MCTP2: variants seen among roughly 807,000 people sequenced by gnomAD.
The protein encoded by MCTP2 is multiple C2 and transmembrane domain-containing protein 2.
Under a neutral mutation model 111.6 loss-of-function variants are expected in MCTP2, and 132 were observed. The observed-to-expected ratio is 1.18, with a 90% CI of 1.03 to 1.37. The LOEUF is 1.37. Ranked by LOEUF, MCTP2 falls within the 40% of genes most tolerant of loss-of-function variation. The pLI is 0.00. For synonymous variants in MCTP2, 395 were observed against 387.7 expected, an observed-to-expected ratio of 1.02 and a Z score of -0.22; for missense variants, 1,183 against 1,067.9, an observed-to-expected ratio of 1.11 and a Z score of -1.50.
At chr15:94,306,232 G>C (rs752920952) in intron 2 of MCTP2, among the ~76,000 whole-genome samples, 20 of 152,198 alleles carry the variant, frequency 1.3e-4, no homozygotes, top group South Asian at 8.3e-4. Context: ...AAGTTTGTCT[G>C]TGGGGCTAGA....
At chr15:94,360,816 G>A (rs2078889614) in intron 10 of MCTP2, among the ~76,000 whole-genome samples, 1 of 150,272 alleles carries the variant, frequency 6.7e-6, no homozygotes, top group African/African-American at 2.4e-5. Context: ...CTGTCTTGGT[G>A]GTCATTCTGT....
chr15:94,345,839 A>C (rs767506492), intron 8 of MCTP2, among the ~76,000 whole-genome samples: 1 of 152,242 alleles, frequency 6.6e-6, no homozygotes. Flanking sequence ...AGGAGAAATT[A>C]TACTTTGTAA....
intron 20 of MCTP2, among the ~76,000 whole-genome samples, chr15:94,460,495 C>T (rs149515207): frequency 1.2e-4 from 18 of 152,190 alleles, no homozygotes; most frequent in African/African-American, 4.1e-4. Context: ...CAGTGAGGCA[C>T]GTATTGACAG....
intron 2 of MCTP2, among the ~76,000 whole-genome samples, chr15:94,311,393 ATTC>A (rs974394058): frequency 5.9e-5 from 9 of 152,182 alleles, no homozygotes; most frequent in Non-Finnish European, 8.8e-5. Flanking sequence ...ATAAATATTA[ATTC>A]TTCTCTTTTT....
At chr15:94,249,307 C>T (rs969841033) in intron 1 of MCTP2, among the ~76,000 whole-genome samples, 3 of 152,102 alleles carry the variant, frequency 2.0e-5, no homozygotes, top group African/African-American at 7.2e-5. Flanking sequence ...GTTAGCATGG[C>T]CTCTTGAATT....
intron 2 of MCTP2, among the ~76,000 whole-genome samples, chr15:94,306,377 T>C (rs1332650309): frequency 6.6e-6 from 1 of 152,030 alleles, no homozygotes; most frequent in Non-Finnish European, 1.5e-5. Flanking sequence ...GACATGGAGG[T>C]TTGGAGAATT....
intron 1 of MCTP2, among the ~76,000 whole-genome samples, chr15:94,235,868 A>G (rs1411885838): frequency 6.6e-6 from 1 of 152,234 alleles, no homozygotes. Flanking sequence ...GGCATTGGCC[A>G]AGAGGCAGGC....
chr15:94,333,418 T>C (rs574788470), intron 4 of MCTP2, among the ~76,000 whole-genome samples: 1 of 152,188 alleles, frequency 6.6e-6, no homozygotes, highest in Admixed American at 6.5e-5. Flanking sequence ...AAACTTTTTT[T>C]TAAAAACCAT....
At chr15:94,447,931 G>A (rs1596745974) in intron 19 of MCTP2, among the ~76,000 whole-genome samples, 1 of 152,182 alleles carries the variant, frequency 6.6e-6, no homozygotes, top group African/African-American at 2.4e-5. Context: ...TAAAGTGCAT[G>A]GGAATTCTAA....
intron 17 of MCTP2, among the ~76,000 whole-genome samples, chr15:94,431,110 CTT>C (rs1456550700): frequency 3.3e-5 from 5 of 152,102 alleles, no homozygotes; most frequent in Admixed American, 2.6e-4. Context: ...TTTGTTTACT[CTT>C]GTGTCTAAAT....
At chr15:94,432,689 C>G (rs2083261953) in intron 17 of MCTP2, among the ~76,000 whole-genome samples, 2 of 152,122 alleles carry the variant, frequency 1.3e-5, no homozygotes, top group African/African-American at 4.8e-5. Context: ...AAACTCTAAT[C>G]TCTATAATCA....
intron 1 of MCTP2, among the ~76,000 whole-genome samples, chr15:94,244,793 CGT>C (rs1186464769): frequency 7.1e-6 from 1 of 140,162 alleles, no homozygotes; most frequent in Middle Eastern, 6.6e-3. Context: ...TACATATGCA[CGT>C]ATGTTTATAT....
At chr15:94,286,310 C>T (rs761331108) in intron 1 of MCTP2, among the ~76,000 whole-genome samples, 1 of 152,152 alleles carries the variant, frequency 6.6e-6, no homozygotes, top group Non-Finnish European at 1.5e-5. Context: ...GGTAGGCATA[C>T]ACCATCAGAT....
chr15:94,482,440 T>A lies in MCTP2; in HGVS notation c.*3406T>A, dbSNP rs2074773624. ...GACTATGGGATGAGGGAGCGTAGAGTCAAGGATGGCTCTCAGTCCCTAGGT... is the reference window on the plus strand; with the variant it reads ...GACTATGGGATGAGGGAGCGTAGAGACAAGGATGGCTCTCAGTCCCTAGGT... On this transcript the variant is annotated 3_prime_UTR_variant, in exon 23 of 23. Transcript: ENST00000357742. The A allele has an allele frequency of 6.6e-6, 1 of 152,004 alleles. No homozygotes were observed. The highest frequency in any genetic ancestry group is 1.5e-5 in the Non-Finnish European group (1 of 68,012). 9.4% of individuals were successfully genotyped at this position (152,004 alleles called of 1,614,324 possible).
chr15:94,298,088 CTG>C (rs932004715), intron 1 of MCTP2, 111 bp from the exon 2 acceptor site: 6 of 492,260 alleles, frequency 1.2e-5, no homozygotes, highest in East Asian at 3.2e-5. Context: ...TTATTGGAAA[CTG>C]TAAGATTTTT....
At chr15:94,232,568 A>G (rs913660119) in intron 1 of MCTP2, among the ~76,000 whole-genome samples, 4 of 152,164 alleles carry the variant, frequency 2.6e-5, no homozygotes, top group African/African-American at 9.7e-5. Flanking sequence ...TTTCAATTCA[A>G]CAAATATTTA....
At chr15:94,419,753 C>CT (rs1488571087) in intron 17 of MCTP2, among the ~76,000 whole-genome samples, 2 of 129,380 alleles carry the variant, frequency 1.5e-5, no homozygotes, top group African/African-American at 3.0e-5. Flanking sequence ...GCACATACTG[C>CT]TTATTTTTTT....
At chr15:94,300,673 C>A (rs545305249) in intron 2 of MCTP2, among the ~76,000 whole-genome samples, 26 of 152,156 alleles carry the variant, frequency 1.7e-4, no homozygotes, top group African/African-American at 6.0e-4. Flanking sequence ...ACAAGCAGAG[C>A]ATAAGAGGCT....
At chr15:94,296,963 C>A (rs561644818) in intron 1 of MCTP2, among the ~76,000 whole-genome samples, 2 of 152,308 alleles carry the variant, frequency 1.3e-5, no homozygotes, top group South Asian at 4.1e-4. Flanking sequence ...TGATCTCTGG[C>A]TCTCTGGACC....
Sources: gnomAD v4.1 joint callset for allele counts (sites outside exome capture counted in the v4.1 genomes callset) on GRCh38, gnomAD v4.1.1 for gene constraint, MANE v1.5 for transcripts, NCBI Gene and HGNC (gene_info 2026-07-23, HGNC 2026-07-21) for gene names.